Variants in C12orf56 observed in about 807,000 individuals in gnomAD.
The protein encoded by C12orf56 is chromosome 12 open reading frame 56.
Under a neutral mutation model 69.9 loss-of-function variants are expected in C12orf56, and 71 were observed. That is an observed-to-expected ratio of 1.02 (90% confidence interval 0.84 to 1.24). C12orf56 has a LOEUF of 1.24. C12orf56 is among the 50% of genes most tolerant of loss of function. C12orf56 has a pLI of 0.00. For synonymous variants in C12orf56, 276 were observed against 274.1 expected, an observed-to-expected ratio of 1.01 and a Z score of -0.07; for missense variants, 732 against 738.5, an observed-to-expected ratio of 0.99 and a Z score of 0.10.
intron 3 of C12orf56, among the ~76,000 whole-genome samples, chr12:64,323,006 C>A (rs1021991309): frequency 2.0e-5 from 3 of 152,124 alleles, no homozygotes; most frequent in Admixed American, 1.3e-4. Context: ...TCAAGCTGGG[C>A]AATCAGAGAC....
At chr12:64,352,099 G>GTTTTTTTTTT (rs55762803) in intron 2 of C12orf56, among the ~76,000 whole-genome samples, 1 of 148,678 alleles carries the variant, frequency 6.7e-6, no homozygotes, top group African/African-American at 2.6e-5. Flanking sequence ...TTTTGTTTTT[G>GTTTTTTTTTT]TTTTTTTTTT....
chr12:64,321,673 A>AT (rs2038775667), intron 3 of C12orf56, among the ~76,000 whole-genome samples: 3 of 152,030 alleles, frequency 2.0e-5, no homozygotes, highest in South Asian at 4.2e-4. Flanking sequence ...TAACTCATTT[A>AT]TTTTTTTAAA....
At chr12:64,365,737 TTATATAATA>T (rs1005734186) in intron 1 of C12orf56, among the ~76,000 whole-genome samples, 12 of 141,880 alleles carry the variant, frequency 8.5e-5, no homozygotes, top group African/African-American at 1.3e-4. Context: ...AATATATAGT[TTATATAATA>T]TATATAATAT....
chr12:64,361,525 T>C (rs1264114499), intron 1 of C12orf56, among the ~76,000 whole-genome samples: 1 of 152,224 alleles, frequency 6.6e-6, no homozygotes, highest in Admixed American at 6.5e-5. Context: ...GAGTGACCTC[T>C]GGTTGTCCTC....
At chr12:64,364,078 C>T (rs1360073818) in intron 1 of C12orf56, among the ~76,000 whole-genome samples, 1 of 151,660 alleles carries the variant, frequency 6.6e-6, no homozygotes, top group Admixed American at 6.6e-5. Flanking sequence ...TTTGGGAGGC[C>T]GATGTGGGCA....
At chr12:64,374,155 A>G (rs2039609742) in intron 1 of C12orf56, among the ~76,000 whole-genome samples, 1 of 152,236 alleles carries the variant, frequency 6.6e-6, no homozygotes, top group Admixed American at 6.5e-5. Context: ...CAAATTCCCA[A>G]AAGAATTACC....
chr12:64,335,214 C>T (rs1356629758), intron 2 of C12orf56, among the ~76,000 whole-genome samples: 2 of 151,950 alleles, frequency 1.3e-5, no homozygotes. Context: ...GTCAGGAGTT[C>T]GTGACCAGCC....
Position 64,345,109 on chromosome 12 carries a change from G to A in C12orf56, c.415+7785C>T, listed in dbSNP as rs114173270. ...TTAAAAAAATTAGAAAACTCATGAG[G>A]TTCTTTTTGAATGTAGCACACCTCC... On this transcript the variant is annotated intron_variant, in intron 2 of 12. Coordinates refer to ENST00000543942, the MANE Select transcript of C12orf56 (RefSeq NM_001170633.2). Among the ~76,000 whole-genome samples the A allele has an allele frequency of 6.5e-3, 985 of 152,150 alleles. 17 individuals are homozygous for A. The highest frequency in any genetic ancestry group is 0.023 in the African/African-American group (934 of 41,496).
At chr12:64,346,268 T>G (rs2039140441) in intron 2 of C12orf56, among the ~76,000 whole-genome samples, 1 of 152,094 alleles carries the variant, frequency 6.6e-6, no homozygotes, top group Non-Finnish European at 1.5e-5. Flanking sequence ...GCAGGAAGCA[T>G]CCAGCACAGG....
At chr12:64,370,221 T>C (rs553794533) in intron 1 of C12orf56, among the ~76,000 whole-genome samples, 4 of 151,276 alleles carry the variant, frequency 2.6e-5, no homozygotes, top group African/African-American at 7.3e-5. Flanking sequence ...GGCGGGCACC[T>C]GTAATCCCAG....
chr12:64,331,209 A>G (rs751536796), intron 2 of C12orf56, among the ~76,000 whole-genome samples, 177 bp from the exon 3 acceptor site: 1 of 152,176 alleles, frequency 6.6e-6, no homozygotes, highest in Non-Finnish European at 1.5e-5. Flanking sequence ...TTTGACATGA[A>G]CATGTCCTCG....
At chr12:64,313,935 C>G (rs1293027525) in intron 4 of C12orf56, among the ~76,000 whole-genome samples, 1 of 149,952 alleles carries the variant, frequency 6.7e-6, no homozygotes, top group African/African-American at 2.5e-5. Flanking sequence ...CCCAGCTACT[C>G]GGGAGGCTGA....
At chr12:64,340,200 G>T (rs372264846) in intron 2 of C12orf56, among the ~76,000 whole-genome samples, 11 of 151,960 alleles carry the variant, frequency 7.2e-5, no homozygotes, top group African/African-American at 2.7e-4. Context: ...GGCTAGACCG[G>T]TCTCTGTTTT....
chr12:64,387,716 G>A (rs2039813259), intron 1 of C12orf56, among the ~76,000 whole-genome samples: 2 of 151,978 alleles, frequency 1.3e-5, no homozygotes, highest in African/African-American at 2.4e-5. Context: ...GAAGGGTGAG[G>A]TGGGAGAATC....
rs578227479 is a variant in C12orf56, at chr12:64,354,806, C to T, written c.253-1750G>A. ...AAAAAAGAGATGGGGTTGCCAGGTG[C>T]GGTGGCTCACGCCTGTAATCCCAGA... On this transcript the variant is annotated intron_variant, in intron 1 of 12. Transcript: ENST00000543942. Among the ~76,000 whole-genome samples, 8 of 138,112 alleles carry T rather than the reference C, an allele frequency of 5.8e-5. No individual in the cohort carries two copies. The South Asian group carries it at 1.1e-3, about 18-fold the overall frequency. The allele number at this position is 138,112 out of a possible 152,430, so 90.6% of individuals were successfully genotyped here. A position where few individuals can be genotyped will look rare whatever the true frequency, so the allele number is the denominator to read the frequency against.
intron 1 of C12orf56, among the ~76,000 whole-genome samples, chr12:64,377,568 T>C (rs1024323103): frequency 6.6e-6 from 1 of 152,226 alleles, no homozygotes; most frequent in African/African-American, 2.4e-5. Flanking sequence ...GGAGTACCTC[T>C]TATTTCTTGG....
chr12:64,276,858 G>T (rs2038057096), intron 9 of C12orf56, among the ~76,000 whole-genome samples: 2 of 151,774 alleles, frequency 1.3e-5, no homozygotes, highest in South Asian at 4.2e-4. Context: ...GCCAGGCGTG[G>T]TGGCTCATGC....
intron 1 of C12orf56, among the ~76,000 whole-genome samples, chr12:64,388,076 C>T (rs1306129932): frequency 6.6e-6 from 1 of 152,072 alleles, no homozygotes; most frequent in African/African-American, 2.4e-5. Context: ...CTCAAGTGAT[C>T]CTCCTGCCTC....
Position 64,353,055 on chromosome 12 carries a change from A to G in C12orf56, c.254T>C (p.Ile85Thr), listed in dbSNP as rs2039254530. The G allele has an allele frequency of 6.2e-7, 1 of 1,610,288 alleles. No individual in the cohort carries two copies. Among genetic ancestry groups the G allele is most frequent in the Non-Finnish European group, 8.5e-7 (1 of 1,179,004 alleles). ...ACTCAAAAATTCCGGGTAATCATCA[A>G]TCTGGAAAAAAAATTAATTCACCTC... ...ALRDVVAIDLIDDYPEFLSSP... is the reference protein window; with the variant it reads ...ALRDVVAIDLTDDYPEFLSSP... Residue 85 changes from isoleucine (I) to threonine (T), a missense_variant and splice_region_variant, in exon 2 of 13, where the codon ATT (isoleucine) becomes ACT (threonine). Physicochemically the swap from Ile to Thr is moderately conservative, Grantham distance 89 (BLOSUM62 -1). Coordinates refer to ENST00000543942, the MANE Select transcript of C12orf56 (RefSeq NM_001170633.2).
Sources: allele counts gnomAD v4.1 joint callset (sites outside exome capture counted in the v4.1 genomes callset), GRCh38; gene constraint gnomAD v4.1.1; transcripts MANE v1.5; gene names NCBI Gene and HGNC (gene_info 2026-07-23, HGNC 2026-07-21).